NCKAP5: variants seen among roughly 807,000 people sequenced by gnomAD.
NCKAP5 encodes the protein nck-associated protein 5.
A neutral mutation model predicts 167.0 loss-of-function variants in NCKAP5; 92 were observed. The observed-to-expected ratio is 0.55, with a 90% CI of 0.47 to 0.66. NCKAP5 has a LOEUF of 0.66. Among genes scored for constraint, NCKAP5 ranks in the 30% least tolerant of loss-of-function variants. The pLI, the probability that NCKAP5 is intolerant of heterozygous loss-of-function variation, is 0.00. For synonymous variants in NCKAP5, 891 were observed against 877.4 expected (o/e 1.02, Z -0.27); for missense variants, 2,378 against 2,315.0 (o/e 1.03, Z -0.56).
chr2:132,887,551 G>A (rs6731389), intron 8 of NCKAP5, among the ~76,000 whole-genome samples: 27,523 of 152,012 alleles, frequency 0.18, 4,126 homozygotes, highest in East Asian at 0.39. Context: ...TCTCCACAGC[G>A]CACACCATCT....
chr2:133,560,061 T>C (rs1030275439), intron 1 of NCKAP5, among the ~76,000 whole-genome samples: 2 of 152,194 alleles, frequency 1.3e-5, no homozygotes, highest in East Asian at 3.8e-4. Context: ...TCTTGTACTA[T>C]GGGGAATAAA....
At chr2:133,006,776 G>A (rs1573716166) in intron 6 of NCKAP5, among the ~76,000 whole-genome samples, 1 of 152,226 alleles carries the variant, frequency 6.6e-6, no homozygotes, top group African/African-American at 2.4e-5. Context: ...AGAAAGGCAA[G>A]AAAATCTAAT....
chr2:133,344,125 T>C (rs778012634), intron 3 of NCKAP5, among the ~76,000 whole-genome samples: 7 of 152,078 alleles, frequency 4.6e-5, no homozygotes, highest in Non-Finnish European at 1.0e-4. Context: ...AATAAAAATA[T>C]GGCCAGTCAC....
intron 14 of NCKAP5, among the ~76,000 whole-genome samples, 189 bp from the exon 15 acceptor site, chr2:132,781,418 T>A (rs996527261): frequency 6.6e-6 from 1 of 152,354 alleles, no homozygotes; most frequent in African/African-American, 2.4e-5. Context: ...CAATTTAGAT[T>A]TGACAATATC....
chr2:132,764,233 G>C (rs564869224), intron 16 of NCKAP5, among the ~76,000 whole-genome samples: 4 of 152,312 alleles, frequency 2.6e-5, no homozygotes, highest in African/African-American at 9.6e-5. Context: ...GAAAAACATG[G>C]AGGGTGATAT....
At chr2:133,657,602 A>G in the NCKAP5 span, among the ~76,000 whole-genome samples, 1 of 152,204 alleles carries the variant, frequency 6.6e-6, no homozygotes, top group Non-Finnish European at 1.5e-5. Context: ...AGAACAAAAA[A>G]GCTTAGCAGG....
At chr2:133,625,458 G>A in the NCKAP5 span, among the ~76,000 whole-genome samples, 1 of 152,056 alleles carries the variant, frequency 6.6e-6, no homozygotes, top group African/African-American at 2.4e-5. Flanking sequence ...ATCCCAGTGC[G>A]AGGCAGGAGG....
chr2:132,769,649 T>C (rs578034401), intron 16 of NCKAP5, among the ~76,000 whole-genome samples: 1 of 152,312 alleles, frequency 6.6e-6, no homozygotes, highest in Non-Finnish European at 1.5e-5. Flanking sequence ...CTGGCTAGCC[T>C]GGGAGACATG....
chr2:132,931,778 T>A (rs993020017), intron 8 of NCKAP5, among the ~76,000 whole-genome samples: 1 of 152,228 alleles, frequency 6.6e-6, no homozygotes, highest in East Asian at 1.9e-4. Flanking sequence ...ATTATAATAG[T>A]GATTTTTTAC....
At chr2:133,362,849 G>T (rs1685205249) in intron 3 of NCKAP5, among the ~76,000 whole-genome samples, 1 of 152,020 alleles carries the variant, frequency 6.6e-6, no homozygotes, top group South Asian at 2.1e-4. Context: ...TGTCTCCCGG[G>T]TTCACACCAT....
intron 7 of NCKAP5, among the ~76,000 whole-genome samples, chr2:132,984,912 T>C (rs578019430): frequency 4.7e-5 from 7 of 149,524 alleles, no homozygotes; most frequent in African/African-American, 1.7e-4. Flanking sequence ...GTTAATGATC[T>C]AGAATGCCCC....
intron 2 of NCKAP5, among the ~76,000 whole-genome samples, chr2:133,526,021 CT>C (rs1336046155): frequency 1.3e-5 from 2 of 152,038 alleles, no homozygotes; most frequent in Admixed American, 1.3e-4. Context: ...AGTAGATACT[CT>C]GTTGGTATAA....
intron 5 of NCKAP5, among the ~76,000 whole-genome samples, chr2:133,197,404 T>A (rs2085485358): frequency 6.6e-6 from 1 of 152,238 alleles, no homozygotes; most frequent in South Asian, 2.1e-4. Context: ...GAACCTCACC[T>A]GGCCAATTGC....
chr2:133,536,318 G>T (rs1444566933), intron 2 of NCKAP5, among the ~76,000 whole-genome samples: 27 of 151,984 alleles, frequency 1.8e-4, no homozygotes, highest in Admixed American at 1.8e-3. Flanking sequence ...TTTATATATG[G>T]TGAGAGGTAG....
At chr2:133,264,581 AG>A (rs2089087731) in intron 4 of NCKAP5, among the ~76,000 whole-genome samples, 1 of 152,238 alleles carries the variant, frequency 6.6e-6, no homozygotes, top group Non-Finnish European at 1.5e-5. Context: ...TCAGTGACTC[AG>A]AAACATCACA....
At chr2:133,531,505 TA>T (rs1685362753) in intron 2 of NCKAP5, among the ~76,000 whole-genome samples, 1 of 152,172 alleles carries the variant, frequency 6.6e-6, no homozygotes, top group African/African-American at 2.4e-5. Context: ...TAAATGTGCT[TA>T]TTTTTTTCTA....
intron 2 of NCKAP5, among the ~76,000 whole-genome samples, chr2:133,546,924 C>T (rs1350351503): frequency 1.3e-5 from 2 of 152,184 alleles, no homozygotes; most frequent in Admixed American, 1.3e-4. Flanking sequence ...CCAGCGTGAG[C>T]AACACAGAAG....
At chr2:132,837,944 G>A (rs1401980728) in intron 11 of NCKAP5, among the ~76,000 whole-genome samples, 2 of 151,972 alleles carry the variant, frequency 1.3e-5, no homozygotes. Context: ...CTGGCAGCTG[G>A]ACAGAAGAGG....
Position 133,517,582 on chromosome 2 carries a change from G to T in NCKAP5, c.-56C>A. 3.3e-6 allele frequency: 4 copies of T among 1,219,560 alleles called. No individual in the cohort carries two copies. Among genetic ancestry groups the T allele is most frequent in the Middle Eastern group, 1.9e-4 (1 of 5,158 alleles). The allele number at this position is 1,219,560 out of a possible 1,614,324, so 75.5% of individuals were successfully genotyped here. A position where few individuals can be genotyped will look rare whatever the true frequency, so the allele number is the denominator to read the frequency against. ...TATAAGAATCCCCCGTCTGTTTCCA[G>T]GGTCACTGAAAAGAGTGAACATGTG... On this transcript the variant is annotated 5_prime_UTR_variant, in exon 3 of 20. The change creates a new upstream start codon in the 5' untranslated region. Coordinates refer to ENST00000409261, the MANE Select transcript of NCKAP5 (RefSeq NM_207363.3).
Sources: gnomAD v4.1 joint callset for allele counts (sites outside exome capture counted in the v4.1 genomes callset) on GRCh38, gnomAD v4.1.1 for gene constraint, MANE v1.5 for transcripts, NCBI Gene and HGNC (gene_info 2026-07-23, HGNC 2026-07-21) for gene names.